NRG4: variants seen among roughly 807,000 people sequenced by gnomAD.
The protein encoded by NRG4 is pro-neuregulin-4, membrane-bound isoform.
NRG4 carries 10 observed loss-of-function variants against 15.0 expected under a neutral mutation model. That is an observed-to-expected ratio of 0.67 (90% CI 0.41 to 1.13). The LOEUF (loss-of-function observed/expected upper bound fraction) is 1.13. Ranked by LOEUF, NRG4 falls within the 50% of genes most tolerant of loss-of-function variation. NRG4 has a pLI of 0.00. For synonymous variants in NRG4, 41 were observed against 50.1 expected (o/e 0.82, Z 0.77); for missense variants, 139 against 140.2 (o/e 0.99, Z 0.04).
At chr15:75,996,495 T>C (rs1371846496) in intron 3 of NRG4, among the ~76,000 whole-genome samples, 1 of 152,092 alleles carries the variant, frequency 6.6e-6, no homozygotes, top group Non-Finnish European at 1.5e-5. Context: ...TAGAAGACAG[T>C]GAAATAAAGA....
At chr15:75,991,276 C>T (rs80234669) in intron 3 of NRG4, among the ~76,000 whole-genome samples, 2,476 of 152,142 alleles carry the variant, frequency 0.016, 67 homozygotes, top group African/African-American at 0.056. Flanking sequence ...AATGAGTGTG[C>T]CTTTGTTCCT....
intron 3 of NRG4, among the ~76,000 whole-genome samples, chr15:75,974,347 T>C (rs1409565399): frequency 6.6e-6 from 1 of 152,204 alleles, no homozygotes. Context: ...TTGAAGGATT[T>C]TTCGTGTCTC....
At chr15:76,024,441 C>G (rs1170768949) in intron 5 of NRG4, among the ~76,000 whole-genome samples, 3 of 152,214 alleles carry the variant, frequency 2.0e-5, no homozygotes, top group Admixed American at 1.3e-4. Context: ...CATCTGCATC[C>G]CAGGCCTGAG....
intron 4 of NRG4, among the ~76,000 whole-genome samples, chr15:76,050,985 A>G (rs1386820890): frequency 7.0e-6 from 1 of 143,702 alleles, no homozygotes; most frequent in African/African-American, 2.8e-5. Flanking sequence ...TTATTTATTT[A>G]TTTATTTATT....
At chr15:75,958,838 T>A (rs1439862543) in intron 4 of NRG4, among the ~76,000 whole-genome samples, 1 of 152,142 alleles carries the variant, frequency 6.6e-6, no homozygotes, top group East Asian at 1.9e-4. Flanking sequence ...GCTTAGAAGG[T>A]CTCCTTTCTG....
At chr15:76,040,964 A>C (rs915244898) in intron 4 of NRG4, among the ~76,000 whole-genome samples, 10 of 152,202 alleles carry the variant, frequency 6.6e-5, no homozygotes, top group Non-Finnish European at 1.5e-4. Flanking sequence ...ACTTTTCAAA[A>C]CATAGACAGA....
At chr15:76,059,944 A>C (rs974968210), upstream of NRG4, 1 of 145,354 alleles carries the variant, frequency 6.9e-6, no homozygotes, top group Non-Finnish European at 1.5e-5. Context: ...GGGGGCGGAG[A>C]GGGGAGCCCC....
chr15:76,055,018 G>A (rs994241806), intron 2 of NRG4, among the ~76,000 whole-genome samples: 1 of 131,052 alleles, frequency 7.6e-6, no homozygotes, highest in Non-Finnish European at 1.7e-5. Flanking sequence ...AGTGGCTCAT[G>A]CCTATAATCC....
intron 4 of NRG4, among the ~76,000 whole-genome samples, chr15:76,038,213 T>C (rs1461568990): frequency 6.6e-6 from 1 of 152,228 alleles, no homozygotes; most frequent in East Asian, 1.9e-4. Flanking sequence ...AAGAGATTTC[T>C]TCTGCTTGAG....
At chr15:75,976,708 T>C (rs1164807193) in intron 3 of NRG4, among the ~76,000 whole-genome samples, 3 of 152,160 alleles carry the variant, frequency 2.0e-5, no homozygotes, top group African/African-American at 4.8e-5. Flanking sequence ...GGAAGCTTCA[T>C]CCTAGAGGGG....
upstream of NRG4, among the ~76,000 whole-genome samples, chr15:76,016,978 C>G (rs985432714): frequency 3.3e-5 from 5 of 152,048 alleles, no homozygotes; most frequent in African/African-American, 1.2e-4. Flanking sequence ...TTGTAGGTCT[C>G]TAAGAACTTG....
At chr15:76,005,743 C>A in intron 3 of NRG4, 1 of 410,954 alleles carries the variant, frequency 2.4e-6, no homozygotes, top group Non-Finnish European at 4.8e-6. Flanking sequence ...ATACCTCTTA[C>A]TATTCATTAA....
chr15:75,946,057 G>A (rs1163144798), intron 5 of NRG4, among the ~76,000 whole-genome samples: 2 of 152,206 alleles, frequency 1.3e-5, no homozygotes, highest in Non-Finnish European at 2.9e-5. Context: ...TGCAACAGGA[G>A]CTCTGATAAT....
chr15:76,027,866 G>C (rs2035357165), intron 5 of NRG4, among the ~76,000 whole-genome samples: 1 of 151,882 alleles, frequency 6.6e-6, no homozygotes. Context: ...AAATCAATAA[G>C]AGAAACATTC....
chr15:75,950,958 C>G, intron 5 of NRG4: 1 of 197,016 alleles, frequency 5.1e-6, no homozygotes. Flanking sequence ...AAGATTTCTT[C>G]AGCTTGTAAT....
At chr15:76,020,191 C>A (rs1183300948) in intron 5 of NRG4, among the ~76,000 whole-genome samples, 1 of 152,186 alleles carries the variant, frequency 6.6e-6, no homozygotes, top group Non-Finnish European at 1.5e-5. Flanking sequence ...GTTCCCCTAT[C>A]TCCTCTGGCC....
chr15:76,052,088 A>T (rs2141967115), exon 4 of NRG4: 1 of 151,004 alleles, frequency 6.6e-6, no homozygotes, highest in Non-Finnish European at 1.5e-5. Flanking sequence ...TTGGATGAAA[A>T]TTTTTCCTCT....
downstream of NRG4, chr15:75,936,750 T>A (rs2030379519): frequency 6.6e-6 from 1 of 151,904 alleles, no homozygotes; most frequent in African/African-American, 2.4e-5. Context: ...AATTTTGTAT[T>A]TTTAGTAGAG....
rs919452923 is a variant in NRG4, at chr15:76,043,388, T to C, written c.-104-7397A>G. Among the ~76,000 whole-genome samples, 61 of 152,320 alleles carry C rather than the reference T, an allele frequency of 4.0e-4. 1 individual carries two copies. The highest frequency in any genetic ancestry group is 1.4e-3 in the African/African-American group (59 of 41,574). On this transcript the variant is annotated intron_variant, in intron 4 of 8. Transcript: ENST00000563910. ...TTGTTTGCAGATTATTATGATCTTA[T>C]ACTTGGAAAAACCTAAAGACTTCAT...
Sources: gnomAD v4.1 joint callset for allele counts (sites outside exome capture counted in the v4.1 genomes callset) on GRCh38, gnomAD v4.1.1 for gene constraint, MANE v1.5 for transcripts, NCBI Gene and HGNC (gene_info 2026-07-23, HGNC 2026-07-21) for gene names.